VOPP1: variants seen among roughly 807,000 people sequenced by gnomAD.
VOPP1 encodes VOPP1 WW domain binding protein.
VOPP1 carries 8 observed loss-of-function variants against 23.5 expected under a neutral mutation model. The observed-to-expected ratio is 0.34, with a 90% CI of 0.20 to 0.61. VOPP1 has a LOEUF of 0.61. Ranked by LOEUF, VOPP1 falls within the 20% of genes least tolerant of loss-of-function variation. The pLI, the probability that VOPP1 is intolerant of heterozygous loss-of-function variation, is 0.78. For synonymous variants in VOPP1, 83 were observed against 97.3 expected (o/e 0.85, Z 0.86); for missense variants, 174 against 238.1 (o/e 0.73, Z 1.77).
intron 1 of VOPP1, among the ~76,000 whole-genome samples, chr7:55,565,085 T>TTA (rs1432645384): frequency 4.6e-5 from 7 of 152,124 alleles, no homozygotes; most frequent in Non-Finnish European, 5.9e-5. Context: ...TCCTGAAATT[T>TTA]TATATATATA....
downstream of VOPP1, among the ~76,000 whole-genome samples, chr7:55,469,490 A>G (rs1791719800): frequency 6.6e-6 from 1 of 152,194 alleles, no homozygotes; most frequent in African/African-American, 2.4e-5. Context: ...AAAAAATCAA[A>G]CAGACTTTCA....
At chr7:55,561,718 A>G in intron 1 of VOPP1, 1 of 415,326 alleles carries the variant, frequency 2.4e-6, no homozygotes, top group Non-Finnish European at 4.3e-6. Flanking sequence ...AAAAAAAAAG[A>G]AGAAGAATTC....
At chr7:55,569,504 G>C (rs1446937643) in intron 1 of VOPP1, among the ~76,000 whole-genome samples, 1 of 152,152 alleles carries the variant, frequency 6.6e-6, no homozygotes, top group Non-Finnish European at 1.5e-5. Context: ...TCGAGGTGGG[G>C]TACACACTGG....
rs188835405 is a variant in VOPP1, at chr7:55,458,778, T to C, written n.418-22604A>G. ...TATCAGTTGTAAGGGTTTTTCTTGG[T>C]AAAGTCTTTAGGTTGTCTATATATA... On this transcript the variant is annotated intron_variant and non_coding_transcript_variant, in intron 4 of 4. Transcript: ENST00000462326. Among the ~76,000 whole-genome samples, 696 of 152,278 alleles carry C rather than the reference T, an allele frequency of 4.6e-3. 10 individuals are homozygous for C. The highest frequency in any genetic ancestry group is 0.016 in the African/African-American group (661 of 41,564).
chr7:55,534,912 C>A (rs1796695008), intron 1 of VOPP1, among the ~76,000 whole-genome samples: 1 of 152,240 alleles, frequency 6.6e-6, no homozygotes, highest in Non-Finnish European at 1.5e-5. Flanking sequence ...TTGTCTCTTC[C>A]CAGGACATTC....
chr7:55,475,372 G>A (rs948201572), intron 4 of VOPP1, among the ~76,000 whole-genome samples: 7 of 152,296 alleles, frequency 4.6e-5, no homozygotes, highest in African/African-American at 9.6e-5. Flanking sequence ...CAGGTTTGGC[G>A]GAGCGGTGGG....
intron 2 of VOPP1, among the ~76,000 whole-genome samples, chr7:55,512,830 C>T (rs1795168069): frequency 6.6e-6 from 1 of 152,206 alleles, no homozygotes; most frequent in Non-Finnish European, 1.5e-5. Flanking sequence ...AGTCTGTCCA[C>T]AGAGCCATAA....
intron 4 of VOPP1, among the ~76,000 whole-genome samples, chr7:55,476,885 G>A (rs1435009587): frequency 6.6e-6 from 1 of 152,168 alleles, no homozygotes; most frequent in African/African-American, 2.4e-5. Flanking sequence ...GCTATGATGG[G>A]CTCCTGCCCA....
intron 1 of VOPP1, among the ~76,000 whole-genome samples, chr7:55,531,394 T>C (rs1056190315): frequency 1.0e-4 from 15 of 148,554 alleles, no homozygotes; most frequent in African/African-American, 3.2e-4. Flanking sequence ...GTGTCGCCCA[T>C]GCTGGAGTGC....
At chr7:55,564,243 G>GCTCTCTCTCTCTC in intron 1 of VOPP1, among the ~76,000 whole-genome samples, 1 of 125,984 alleles carries the variant, frequency 7.9e-6, no homozygotes, top group East Asian at 2.3e-4. Flanking sequence ...CTCTGTCTCT[G>GCTCTCTCTCTCTC]TCTCTCTCTC....
intron 4 of VOPP1, among the ~76,000 whole-genome samples, chr7:55,474,313 G>A (rs1179952126): frequency 6.6e-6 from 1 of 152,138 alleles, no homozygotes; most frequent in African/African-American, 2.4e-5. Flanking sequence ...GTTTCGCAAG[G>A]GCAGAGATTA....
At chr7:55,466,391 C>T (rs1381435926), downstream of VOPP1, among the ~76,000 whole-genome samples, 1 of 152,172 alleles carries the variant, frequency 6.6e-6, no homozygotes, top group East Asian at 1.9e-4. Flanking sequence ...CTCTCCCCTC[C>T]TACAGAGTGA....
intron 1 of VOPP1, among the ~76,000 whole-genome samples, chr7:55,568,940 G>T (rs1342710894): frequency 1.3e-5 from 2 of 152,126 alleles, no homozygotes; most frequent in Admixed American, 1.3e-4. Context: ...CGGAACAAAG[G>T]CATAGAACCT....
At chr7:55,478,195 C>T (rs1010147373) in intron 4 of VOPP1, among the ~76,000 whole-genome samples, 4 of 152,192 alleles carry the variant, frequency 2.6e-5, no homozygotes, top group South Asian at 2.1e-4. Flanking sequence ...AGAGAGATCA[C>T]GGCAAAGACA....
chr7:55,502,991 A>G (rs142560994), intron 2 of VOPP1, among the ~76,000 whole-genome samples: 1,673 of 152,318 alleles, frequency 0.011, 11 homozygotes, highest in Middle Eastern at 0.02. Context: ...TGAAATACAC[A>G]TGATACTTCA....
intron 1 of VOPP1, among the ~76,000 whole-genome samples, chr7:55,556,877 C>G (rs1797827937): frequency 6.6e-6 from 1 of 152,152 alleles, no homozygotes; most frequent in African/African-American, 2.4e-5. Context: ...TGAAAGAAAA[C>G]CCAGGACTAT....
chr7:55,492,461 G>A lies in VOPP1; in HGVS notation c.192-43C>T, dbSNP rs1554402115. On this transcript the variant is annotated intron_variant, in intron 3 of 4. Coordinates refer to ENST00000285279, the MANE Select transcript of VOPP1 (RefSeq NM_030796.5). ...GTGAGGGTGGTGCTCCCAGGTGGGG[G>A]CCCTGAGGGCTTGGCCCTACAGCTC... The A allele has an allele frequency of 1.2e-5, 19 of 1,566,482 alleles. No individual in the cohort carries two copies. The South Asian group carries it at 1.8e-4, about 15-fold the overall frequency.
chr7:55,436,632 GTGT>G (rs1193626920), intron 4 of VOPP1, among the ~76,000 whole-genome samples: 2 of 135,166 alleles, frequency 1.5e-5, no homozygotes, highest in East Asian at 4.0e-4. Context: ...GTGTGTGTGC[GTGT>G]GTGTGCGTGC....
At chr7:55,548,370 C>T (rs1164829735) in intron 1 of VOPP1, among the ~76,000 whole-genome samples, 3 of 152,252 alleles carry the variant, frequency 2.0e-5, no homozygotes, top group African/African-American at 7.2e-5. Flanking sequence ...TTGAGAAGAG[C>T]AGTGGCTGAC....
Sources: gnomAD v4.1 joint callset for allele counts (sites outside exome capture counted in the v4.1 genomes callset) on GRCh38, gnomAD v4.1.1 for gene constraint, MANE v1.5 for transcripts, NCBI Gene and HGNC (gene_info 2026-07-23, HGNC 2026-07-21) for gene names.